The following PCSK5 variants were observed in gnomAD, a reference collection of about 807,000 sequenced individuals.
PCSK5 encodes prohormone convertase 5.
Under a neutral mutation model 233.2 loss-of-function variants are expected in PCSK5, and 129 were observed. The ratio of observed to expected loss-of-function variants is 0.55; its 90% CI spans 0.48 to 0.64. PCSK5 has a LOEUF of 0.64. PCSK5 is among the 30% of genes least tolerant of loss of function. The probability of loss-of-function intolerance (pLI) is 0.00; values close to 1 mark genes in which losing one functional copy is unlikely to be tolerated. For synonymous variants in PCSK5, 825 were observed against 879.2 expected (o/e 0.94, Z 1.09); for missense variants, 2,076 against 2,430.1 (o/e 0.85, Z 3.06).
At chr9:75,923,154 T>C (rs1462085366) in intron 1 of PCSK5, among the ~76,000 whole-genome samples, 2 of 152,228 alleles carry the variant, frequency 1.3e-5, no homozygotes, top group Non-Finnish European at 2.9e-5. Flanking sequence ...GGAATCAGGC[T>C]GACCTGGTTT....
intron 3 of PCSK5, among the ~76,000 whole-genome samples, chr9:76,007,843 T>TGTG (rs1461510203): frequency 1.3e-5 from 2 of 150,602 alleles, no homozygotes; most frequent in African/African-American, 2.5e-5. Context: ...TGTGTGTGTA[T>TGTG]TTTTTGTAGC....
At chr9:76,233,278 C>A (rs941998009) in intron 21 of PCSK5, among the ~76,000 whole-genome samples, 182 bp from the exon 22 acceptor site, 1 of 152,100 alleles carries the variant, frequency 6.6e-6, no homozygotes, top group Admixed American at 6.6e-5. Context: ...AAATCTTGGG[C>A]CAAGGATGGG....
In PCSK5 at chr9:76,354,210, G is replaced by T; in HGVS notation, c.5245G>T (p.Asp1749Tyr). 6.3e-7 allele frequency: 1 copy of T among 1,577,918 alleles called. No homozygotes were observed. The part of the protein sequence containing the change: ...PSAQECCDCQ[D>Y]TTDECILRTS... ...TGCCCAGGAGTGCTGTGACTGCCAG[G>T]ACACCACGGGTGAGGGAAGAGCAAG... is the stretch of plus-strand genomic sequence containing the variant. Residue 1749 changes from aspartate (D) to tyrosine (Y), a missense_variant, in exon 37 of 38, where the codon GAC (aspartate) becomes TAC (tyrosine). Around this residue, in one of 6 missense-constraint regions of PCSK5, gnomAD observed 1,510 missense variants for 1,538.1 expected, o/e 0.98. Coordinates refer to ENST00000674117, the MANE Select transcript of PCSK5 (RefSeq NM_001372043.1).
chr9:76,344,445 A>G (rs1829923188), intron 35 of PCSK5, among the ~76,000 whole-genome samples: 1 of 152,350 alleles, frequency 6.6e-6, no homozygotes, highest in South Asian at 2.1e-4. Context: ...CACATGAAAG[A>G]ATTAGCCTTC....
intron 20 of PCSK5, among the ~76,000 whole-genome samples, chr9:76,207,998 GACATGGCAAGAAAGCGT>G (rs1371729115): frequency 1.3e-5 from 2 of 152,158 alleles, no homozygotes; most frequent in African/African-American, 4.8e-5. Flanking sequence ...TAGAAGGCAT[GACATGGCAAGAAAGCGT>G]ACATGTGTCA....
intron 1 of PCSK5, among the ~76,000 whole-genome samples, chr9:75,913,950 G>C (rs750139714): frequency 4.6e-5 from 7 of 152,140 alleles, no homozygotes; most frequent in Non-Finnish European, 7.4e-5. Context: ...TGTTATTCCT[G>C]AAGATAATGC....
chr9:76,134,176 G>C lies in PCSK5; in HGVS notation c.1276G>C (p.Ala426Pro). ...GACTTCCCGTGCGGGACATTTGAAC[G>C]CTAATGACTGGAAAACCAATGCTGC... The part of the protein sequence containing the change: ...VRTSRAGHLN[A>P]NDWKTNAAGF... Residue 426 changes from alanine (A) to proline (P), a missense_variant, in exon 10 of 38, where the codon GCT becomes CCT. Physicochemically the swap from Ala to Pro is conservative, Grantham distance 27. Coordinates refer to ENST00000674117, the MANE Select transcript of PCSK5 (RefSeq NM_001372043.1). 1 of 1,608,698 alleles carries C rather than the reference G, an allele frequency of 6.2e-7. No homozygotes were observed. Among genetic ancestry groups the C allele is most frequent in the Non-Finnish European group, 8.5e-7 (1 of 1,177,170 alleles).
intron 20 of PCSK5, among the ~76,000 whole-genome samples, chr9:76,220,348 G>GGC (rs1426015428): frequency 1.3e-5 from 2 of 151,948 alleles, no homozygotes; most frequent in East Asian, 3.9e-4. Context: ...CCAACATGGT[G>GGC]AAACCCTGTC....
chr9:75,927,013 G>A (rs933916132), intron 1 of PCSK5, among the ~76,000 whole-genome samples: 1 of 152,164 alleles, frequency 6.6e-6, no homozygotes, highest in African/African-American at 2.4e-5. Context: ...ATCGTGAGGA[G>A]AGTGTATGTT....
intron 7 of PCSK5, among the ~76,000 whole-genome samples, chr9:76,095,342 AG>A (rs1375638731): frequency 6.6e-6 from 1 of 152,232 alleles, no homozygotes; most frequent in Non-Finnish European, 1.5e-5. Context: ...GATATAAATG[AG>A]GGTGCATAAT....
intron 20 of PCSK5, among the ~76,000 whole-genome samples, chr9:76,226,961 T>C (rs1326689237): frequency 6.6e-6 from 1 of 152,238 alleles, no homozygotes; most frequent in African/African-American, 2.4e-5. Flanking sequence ...TGGCTATTTC[T>C]TCACTATTAC....
intron 9 of PCSK5, 109 bp from the exon 10 acceptor site, chr9:76,134,000 T>G: frequency 1.4e-6 from 1 of 728,758 alleles, no homozygotes; most frequent in South Asian, 1.6e-5. Context: ...GACCCTTTGT[T>G]TTTAGTACTT....
chr9:75,950,056 T>C (rs1277473371), intron 2 of PCSK5, among the ~76,000 whole-genome samples: 2 of 149,538 alleles, frequency 1.3e-5, no homozygotes, highest in African/African-American at 4.9e-5. Context: ...GACAAACTCA[T>C]TCTGCACCTT....
At chr9:76,216,211 C>A (rs551947204) in intron 20 of PCSK5, among the ~76,000 whole-genome samples, 8 of 152,102 alleles carry the variant, frequency 5.3e-5, no homozygotes, top group Non-Finnish European at 1.0e-4. Context: ...ACAGAGGCTA[C>A]AATGCCACTG....
chr9:76,310,241 CCTT>C (rs1220025434), intron 29 of PCSK5, among the ~76,000 whole-genome samples: 2 of 147,824 alleles, frequency 1.4e-5, no homozygotes, highest in African/African-American at 5.0e-5. Context: ...GAGCAAGACT[CCTT>C]CTCAAAAAAA....
intron 12 of PCSK5, among the ~76,000 whole-genome samples, chr9:76,160,480 T>C (rs1279243235): frequency 6.6e-6 from 1 of 152,176 alleles, no homozygotes; most frequent in Admixed American, 6.5e-5. Flanking sequence ...GCAAAAACTT[T>C]CTTATCAGTG....
chr9:75,969,764 A>G (rs1371025946), intron 2 of PCSK5, among the ~76,000 whole-genome samples: 1 of 152,016 alleles, frequency 6.6e-6, no homozygotes, highest in Admixed American at 6.6e-5. Flanking sequence ...CTTTAGATTC[A>G]TTGATCTTCA....
intron 25 of PCSK5, among the ~76,000 whole-genome samples, chr9:76,292,912 C>A (rs1236113486): frequency 6.6e-6 from 1 of 152,188 alleles, no homozygotes; most frequent in Non-Finnish European, 1.5e-5. Flanking sequence ...GCATGGGCTG[C>A]ATAATCCCTC....
intron 32 of PCSK5, among the ~76,000 whole-genome samples, chr9:76,327,535 A>G (rs1345799918): frequency 6.6e-6 from 1 of 152,240 alleles, no homozygotes; most frequent in African/African-American, 2.4e-5. Context: ...TGTATTCAAA[A>G]ATAAATGCAA....
Sources: gnomAD v4.1 joint callset for allele counts (sites outside exome capture counted in the v4.1 genomes callset) on GRCh38, gnomAD v4.1.1 for gene constraint, gnomAD v4.1.1 regional missense constraint, MANE v1.5 for transcripts, NCBI Gene and HGNC (gene_info 2026-07-23, HGNC 2026-07-21) for gene names.